CYB5R1: variants seen among roughly 807,000 people sequenced by gnomAD.
CYB5R1 encodes the protein cytochrome b5 reductase 1, also known as NADH-cytochrome b5 reductase 1.
A neutral mutation model predicts 37.4 loss-of-function variants in CYB5R1; 32 were observed. That is an observed-to-expected ratio of 0.86 (90% CI 0.65 to 1.15). The LOEUF (loss-of-function observed/expected upper bound fraction) is 1.15. Ranked by LOEUF, CYB5R1 falls within the 50% of genes most tolerant of loss-of-function variation. CYB5R1 has a pLI of 0.00. For synonymous variants in CYB5R1, 159 were observed against 155.2 expected (o/e 1.02, Z -0.18); for missense variants, 345 against 382.5 (o/e 0.90, Z 0.82).
chr1:202,963,017 G>T, intron 8 of CYB5R1, 49 bp downstream of exon 8: 1 of 1,525,102 alleles, frequency 6.6e-7, no homozygotes, highest in Non-Finnish European at 9.1e-7. Context: ...GCAAGGCTTT[G>T]ATTTTGACGA....
chr1:202,964,913 A>G (rs1398769537), intron 5 of CYB5R1: 1 of 566,584 alleles, frequency 1.8e-6, no homozygotes, highest in Non-Finnish European at 3.2e-6. Context: ...TCAGCGCCAC[A>G]CAATGTATCA....
Position 202,963,832 on chromosome 1 carries a change from T to A in CYB5R1, c.560-105A>T, listed in dbSNP as rs910315418. The A allele has an allele frequency of 4.9e-6, 3 of 608,338 alleles. No homozygotes were observed. The African/African-American group carries it at 5.8e-5, about 12-fold the overall frequency. 37.7% of individuals were successfully genotyped at this position (608,338 alleles called of 1,614,324 possible). ...CATCTTCATTCTGCTCATTCACCAC[T>A]CCACTCCATTTTCCTTTAGCATTCT... On this transcript the variant is annotated intron_variant, in intron 6 of 8. Coordinates refer to ENST00000367249, the MANE Select transcript of CYB5R1 (RefSeq NM_016243.3).
At position 202,966,438 on chromosome 1, in the gene CYB5R1, CG is replaced by C. The variant is rs1655093471; in HGVS notation, c.238+89del. 3.5e-6 allele frequency: 5 copies of C among 1,442,462 alleles called. No individual in the cohort carries two copies. In the Admixed American group the frequency reaches 8.6e-5, roughly 25 times the overall value. The allele number at this position is 1,442,462 out of a possible 1,614,324, so 89.4% of individuals were successfully genotyped here. On this transcript the variant is annotated intron_variant, in intron 3 of 8. Transcript: ENST00000367249. ...AAGGGGAATGGTGTGTGGAGCAAAC[CG>C]GTTGAAGCAGCGTGTTTCATGAGAT...
At position 202,962,656 on chromosome 1, in the gene CYB5R1, C is replaced by T; in HGVS notation, c.789G>A (p.Arg263=). 3.1e-6 allele frequency: 5 copies of T among 1,614,098 alleles called. No homozygotes were observed. The highest frequency in any genetic ancestry group is 4.2e-6 in the Non-Finnish European group (5 of 1,180,028). ...SKGFVTADMI[R]EHLPAPGDDV... ...CATCCCCTGGAGCGGGCAGGTGTTC[C>T]CGGATCATGTCGGCAGTCACAAAGC... Residue 263 remains arginine, a synonymous_variant, in exon 9 of 9, where the codon CGG becomes CGA. Transcript: ENST00000367249.
At position 202,963,149 on chromosome 1, in the gene CYB5R1, A is replaced by G; in HGVS notation, c.662T>C (p.Ile221Thr). ...CAGTTCCTCTAAGTCCTCCCGCAAG[A>G]TGATATCCTTTTCTGTCTGAAATGC... ...LFANQTEKDI[I>T]LREDLEELQA... The change falls in exon 8 of 9, where the codon ATC becomes ACC. Residue 221 changes from isoleucine to threonine, a missense_variant. Physicochemically the swap from Ile to Thr is moderately conservative, Grantham distance 89. Transcript: ENST00000367249. The G allele has an allele frequency of 6.2e-7, 1 of 1,614,008 alleles. No homozygotes were observed. Among genetic ancestry groups the G allele is most frequent in the South Asian group, 1.1e-5 (1 of 91,084 alleles).
At position 202,964,684 on chromosome 1, in the gene CYB5R1, T is replaced by C. The variant is rs749234913; in HGVS notation, c.487A>G (p.Ile163Val). 1.2e-5 allele frequency: 20 copies of C among 1,613,202 alleles called. No homozygotes were observed. Among genetic ancestry groups the C allele is most frequent in the Middle Eastern group, 1.6e-4 (1 of 6,080 alleles). The stretch of plus-strand genomic sequence containing the variant: ...GGTGGAGATTTCTTGTTGGGCTGAA[T>C]GTTAAAATGCCCTGAGAGGTCAGGT... ...LTYTGKGHFNIQPNKKSPPEP... is the reference protein window; with the variant it reads ...LTYTGKGHFNVQPNKKSPPEP... The change falls in exon 6 of 9, where the codon ATT becomes GTT. Residue 163 changes from isoleucine (I) to valine (V), a missense_variant. Transcript: ENST00000367249.
At chr1:202,964,896 A>G (rs1655056112) in intron 5 of CYB5R1, 1 of 590,588 alleles carries the variant, frequency 1.7e-6, no homozygotes, top group Non-Finnish European at 3.0e-6. Flanking sequence ...GCTATCTGTG[A>G]GTCAGTTCAG....
At chr1:202,963,920 A>G (rs1416351944) in intron 6 of CYB5R1, 193 bp from the exon 7 acceptor site, 5 of 451,238 alleles carry the variant, frequency 1.1e-5, no homozygotes, top group Non-Finnish European at 2.0e-5. Context: ...CTTCAAATTC[A>G]TCTAAGTTCA....
rs371377002 is a variant in CYB5R1, at chr1:202,962,680, G to A, written c.765C>T (p.Gly255=). ...HPPKDWAYSK[G]FVTADMIREH... ...CCCGGATCATGTCGGCAGTCACAAA[G>A]CCCTTGCTGTAGGCCCAATCTGAAG... The change falls in exon 9 of 9, where the codon GGC becomes GGT. Residue 255 remains glycine (G), a synonymous_variant. Coordinates refer to ENST00000367249, the MANE Select transcript of CYB5R1 (RefSeq NM_016243.3). 3.3e-5 allele frequency: 53 copies of A among 1,614,030 alleles called. No individual in the cohort carries two copies. The highest frequency in any genetic ancestry group is 4.2e-5 in the Non-Finnish European group (49 of 1,180,042).
intron 8 of CYB5R1, 180 bp downstream of exon 8, chr1:202,962,886 C>T: frequency 1.0e-6 from 1 of 952,974 alleles, no homozygotes; most frequent in African/African-American, 1.6e-5. Flanking sequence ...CCCTGTCACC[C>T]ACCTGGTAAA....
chr1:202,963,130 C>T lies in CYB5R1; in HGVS notation c.681G>A (p.Glu227=), dbSNP rs1655025564. The T allele has an allele frequency of 1.9e-6, 3 of 1,614,162 alleles. No individual in the cohort carries two copies. Among genetic ancestry groups the T allele is most frequent in the Non-Finnish European group, 1.7e-6 (2 of 1,180,010 alleles). ...EKDIILREDL[E]ELQARYPNRF... Reference sequence around the variant, plus strand: ...GATTGGGATAGCGGGCCTGCAGTTCCTCTAAGTCCTCCCGCAAGATGATAT... The same window carrying T: ...GATTGGGATAGCGGGCCTGCAGTTCTTCTAAGTCCTCCCGCAAGATGATAT... Residue 227 remains glutamate, a synonymous_variant, in exon 8 of 9, where the codon GAG becomes GAA. Coordinates refer to ENST00000367249, the MANE Select transcript of CYB5R1 (RefSeq NM_016243.3).
At chr1:202,965,287 G>T in intron 5 of CYB5R1, 84 bp downstream of exon 5, 1 of 1,448,532 alleles carries the variant, frequency 6.9e-7, no homozygotes. Context: ...GCATACACAT[G>T]TGTACACACA....
intron 6 of CYB5R1, chr1:202,963,971 C>G: frequency 2.7e-6 from 1 of 376,944 alleles, no homozygotes; most frequent in Non-Finnish European, 4.7e-6. Context: ...TAAGACTCTT[C>G]TGAAAGTCCT....
chr1:202,964,600 A>G lies in CYB5R1; in HGVS notation c.559+12T>C, dbSNP rs746635724. Reference sequence around the variant, plus strand: ...ACAATGGTGGGAGAGAAAGGCCCTCAGTGTAATGCACCTGTCCCGCCGGCA... The same window carrying G: ...ACAATGGTGGGAGAGAAAGGCCCTCGGTGTAATGCACCTGTCCCGCCGGCA... On this transcript the variant is annotated intron_variant, in intron 6 of 8. Transcript: ENST00000367249. 12 of 1,599,986 alleles carry G rather than the reference A, an allele frequency of 7.5e-6. No individual in the cohort carries two copies. Among genetic ancestry groups the G allele is most frequent in the Admixed American group, 5.0e-5 (3 of 59,990 alleles).
chr1:202,966,871 C>A lies in CYB5R1; in HGVS notation c.43G>T (p.Val15Leu), dbSNP rs368399512. 110 of 1,612,764 alleles carry A rather than the reference C, an allele frequency of 6.8e-5. No individual in the cohort carries two copies. The highest frequency in any genetic ancestry group is 9.1e-5 in the Non-Finnish European group (107 of 1,179,518). The change falls in exon 2 of 9, where the codon GTG becomes TTG. Residue 15 changes from valine to leucine, a missense_variant. Coordinates refer to ENST00000367249, the MANE Select transcript of CYB5R1 (RefSeq NM_016243.3). ...TSPVLLASLG[V>L]GLVTLLGLAV... ...AGGCCGAGCAGAGTGACCAGCCCCA[C>A]CCCCAGGGAGGCCAGCAGGACGGGG... is the stretch of plus-strand genomic sequence containing the variant.
At chr1:202,967,074 G>T in intron 1 of CYB5R1, 117 bp downstream of exon 1, 1 of 1,452,894 alleles carries the variant, frequency 6.9e-7, no homozygotes, top group Non-Finnish European at 9.4e-7. Flanking sequence ...AGCATCCACG[G>T]TGGGCCCAGA....
In CYB5R1 at chr1:202,965,432, C is replaced by G. The variant is rs760383095; in HGVS notation, c.414G>C (p.Leu138=). ...GAAACTCCACCACATCCCCAACCTT[C>G]AGGCTATCCAGGTACTGAGACATCT... The part of the protein sequence containing the change: ...GGKMSQYLDS[L]KVGDVVEFRG... The change falls in exon 5 of 9, where the codon CTG becomes CTC. Residue 138 remains leucine, a synonymous_variant. Coordinates refer to ENST00000367249, the MANE Select transcript of CYB5R1 (RefSeq NM_016243.3). The G allele has an allele frequency of 6.2e-7, 1 of 1,608,810 alleles. No homozygotes were observed. Among genetic ancestry groups the G allele is most frequent in the East Asian group, 2.3e-5 (1 of 44,232 alleles).
Position 202,964,685 on chromosome 1 carries a change from G to A in CYB5R1, c.486C>T (p.Asn162=), listed in dbSNP as rs2102503700. ...GTGGAGATTTCTTGTTGGGCTGAAT[G>A]TTAAAATGCCCTGAGAGGTCAGGTG... The part of the protein sequence containing the change: ...LLTYTGKGHF[N]IQPNKKSPPE... The change falls in exon 6 of 9, where the codon AAC becomes AAT. Residue 162 remains asparagine, a synonymous_variant. Transcript: ENST00000367249. 3.7e-6 allele frequency: 6 copies of A among 1,612,778 alleles called. No individual in the cohort carries two copies. Among genetic ancestry groups the A allele is most frequent in the Non-Finnish European group, 5.1e-6 (6 of 1,178,782 alleles).
chr1:202,963,578 C>G, intron 7 of CYB5R1, 64 bp downstream of exon 7: 1 of 1,262,316 alleles, frequency 7.9e-7, no homozygotes, highest in Non-Finnish European at 1.1e-6. Flanking sequence ...CCATCCATAC[C>G]ACGTCTCTCA....
Sources: gnomAD v4.1 joint callset for allele counts on GRCh38, gnomAD v4.1.1 for gene constraint, MANE v1.5 for transcripts, NCBI Gene and HGNC (gene_info 2026-07-23, HGNC 2026-07-21) for gene names.